Variants in AXDND1 observed in about 807,000 individuals in gnomAD.
The protein encoded by AXDND1 is axonemal dynein light chain domain-containing protein 1.
Under a neutral mutation model 137.5 loss-of-function variants are expected in AXDND1, and 110 were observed. The ratio of observed to expected loss-of-function variants is 0.80; its 90% CI spans 0.69 to 0.94. The LOEUF is 0.94. Ranked by LOEUF, AXDND1 falls within the 40% of genes least tolerant of loss-of-function variation. The pLI, the probability that AXDND1 is intolerant of heterozygous loss-of-function variation, is 0.00. For missense variants in AXDND1, 1,191 were observed against 1,169.8 expected, an observed-to-expected ratio of 1.02 and a Z score of -0.26; for synonymous variants, 414 against 399.7, an observed-to-expected ratio of 1.04 and a Z score of -0.43.
At chr1:179,534,450 C>T in intron 24 of AXDND1, 1 of 275,116 alleles carries the variant, frequency 3.6e-6, no homozygotes, top group South Asian at 1.2e-4. Flanking sequence ...AAAGGGAGTT[C>T]CCTGGCCATT....
At chr1:179,540,246 G>A (rs935958338) in intron 25 of AXDND1, among the ~76,000 whole-genome samples, 4 of 152,132 alleles carry the variant, frequency 2.6e-5, no homozygotes, top group Admixed American at 6.5e-5. Context: ...CTGGTGAGGA[G>A]TTGTGATCCT....
At chr1:179,537,110 G>A (rs1240815514) in intron 25 of AXDND1, among the ~76,000 whole-genome samples, 4 of 152,166 alleles carry the variant, frequency 2.6e-5, no homozygotes, top group African/African-American at 7.2e-5. Flanking sequence ...GGAGATTTTG[G>A]GCTGAGATGA....
At chr1:179,498,393 G>A (rs1456721160) in intron 20 of AXDND1, among the ~76,000 whole-genome samples, 2 of 152,056 alleles carry the variant, frequency 1.3e-5, no homozygotes, top group Non-Finnish European at 2.9e-5. Flanking sequence ...ACAAAAACTA[G>A]CAAGGGGGAA....
intron 21 of AXDND1, among the ~76,000 whole-genome samples, chr1:179,518,413 G>A (rs532025178): frequency 7.0e-6 from 1 of 141,988 alleles, no homozygotes; most frequent in South Asian, 2.2e-4. Flanking sequence ...TTTTAAGTTC[G>A]GGGTACATGT....
chr1:179,437,900 C>T (rs1658399914), intron 15 of AXDND1, among the ~76,000 whole-genome samples: 1 of 152,020 alleles, frequency 6.6e-6, no homozygotes, highest in Non-Finnish European at 1.5e-5. Context: ...GCCTGTAATC[C>T]CAGCACTTTG....
chr1:179,503,104 A>AAT (rs1168078374), intron 20 of AXDND1, among the ~76,000 whole-genome samples: 1 of 151,862 alleles, frequency 6.6e-6, no homozygotes, highest in African/African-American at 2.4e-5. Flanking sequence ...TAAAAAAAAA[A>AAT]AAAAAGGATA....
intron 25 of AXDND1, among the ~76,000 whole-genome samples, chr1:179,541,975 A>T (rs1016896939): frequency 3.3e-5 from 5 of 152,176 alleles, no homozygotes; most frequent in Admixed American, 2.6e-4. Context: ...ACAGGATATG[A>T]CATCATTTTT....
chr1:179,465,945 T>A (rs965422022), intron 16 of AXDND1, among the ~76,000 whole-genome samples: 13 of 152,188 alleles, frequency 8.5e-5, no homozygotes, highest in Non-Finnish European at 1.9e-4. Flanking sequence ...AATCTCCTGG[T>A]GTGCCGTTTG....
chr1:179,432,185 G>A (rs993487269), intron 14 of AXDND1, 82 bp from the exon 15 acceptor site: 2 of 1,431,218 alleles, frequency 1.4e-6, no homozygotes, highest in Non-Finnish European at 1.8e-6. Flanking sequence ...TATGTTAGTT[G>A]TTTAGTCTTT....
intron 20 of AXDND1, among the ~76,000 whole-genome samples, chr1:179,501,089 A>G (rs1008572914): frequency 1.3e-5 from 2 of 152,200 alleles, no homozygotes; most frequent in African/African-American, 4.8e-5. Context: ...GAACATTTCT[A>G]TTATTATGGA....
chr1:179,432,369 C>G, intron 15 of AXDND1, 27 bp downstream of exon 15: 1 of 1,529,214 alleles, frequency 6.5e-7, no homozygotes, highest in Non-Finnish European at 8.8e-7. Flanking sequence ...AAGAGCTTGG[C>G]AATCAAAGTG....
rs143349102 is a variant in AXDND1 at position 179,366,620 on chromosome 1, A to G, written c.97+14A>G. The G allele has an allele frequency of 1.6e-3, 2,545 of 1,583,782 alleles. 31 individuals are homozygous for G. The African/African-American group carries it at 0.031, about 19-fold the overall frequency. ...AAGGGACAAGAGGTAAACTTCGTTGATTCTGAAGTCATAAACAGTCATGGC... is the reference window on the plus strand; with the variant it reads ...AAGGGACAAGAGGTAAACTTCGTTGGTTCTGAAGTCATAAACAGTCATGGC... On this transcript the variant is annotated intron_variant, in intron 2 of 25. Coordinates refer to ENST00000367618, the MANE Select transcript of AXDND1 (RefSeq NM_144696.6).
At chr1:179,435,972 G>T (rs1424049547) in intron 15 of AXDND1, among the ~76,000 whole-genome samples, 2 of 151,238 alleles carry the variant, frequency 1.3e-5, no homozygotes, top group Non-Finnish European at 2.9e-5. Flanking sequence ...AATCTATAAG[G>T]AACTTAAACA....
intron 19 of AXDND1, among the ~76,000 whole-genome samples, chr1:179,492,298 C>G (rs911265315): frequency 2.0e-5 from 3 of 152,084 alleles, no homozygotes; most frequent in Non-Finnish European, 2.9e-5. Context: ...TGGTCTCGAA[C>G]TCCTGATCTC....
Position 179,445,204 on chromosome 1 carries a change from G to A in AXDND1, c.1798G>A (p.Gly600Ser). The change falls in exon 16 of 26, where the codon GGT (glycine) becomes AGT (serine). Residue 600 changes from glycine to serine, a missense_variant and splice_region_variant. Physicochemically the swap from Gly to Ser is moderately conservative, Grantham distance 56. Coordinates refer to ENST00000367618, the MANE Select transcript of AXDND1 (RefSeq NM_144696.6). The part of the protein sequence containing the change: ...EYEIRINGDN[G>S]YSKILPSLIS... The stretch of plus-strand genomic sequence containing the variant: ...TGAAATAAGAATAAATGGGGACAAT[G>A]GTAAGAAAATACTCATAATAATTAG... The A allele has an allele frequency of 6.6e-7, 1 of 1,520,504 alleles. No homozygotes were observed. Among genetic ancestry groups the A allele is most frequent in the Non-Finnish European group, 8.9e-7 (1 of 1,117,444 alleles). The allele number at this position is 1,520,504 out of a possible 1,614,324, so 94.2% of individuals were successfully genotyped here.
At chr1:179,368,657 ATAT>A (rs1571499730) in intron 2 of AXDND1, 140 bp from the exon 3 acceptor site, 1 of 671,668 alleles carries the variant, frequency 1.5e-6, no homozygotes, top group East Asian at 2.7e-5. Context: ...ACTGTTTTCA[ATAT>A]TATTTGTTAC....
chr1:179,493,192 A>G (rs1572069927), intron 20 of AXDND1, among the ~76,000 whole-genome samples: 1 of 91,210 alleles, frequency 1.1e-5, no homozygotes, highest in African/African-American at 3.7e-5. Context: ...CTTGTCACCA[A>G]TGTCTGATCT....
At chr1:179,457,634 C>T (rs1235440441) in intron 16 of AXDND1, among the ~76,000 whole-genome samples, 1 of 152,080 alleles carries the variant, frequency 6.6e-6, no homozygotes, top group Non-Finnish European at 1.5e-5. Flanking sequence ...TTCATATTTT[C>T]AGTTCGTCTA....
chr1:179,494,922 T>C (rs1182584475), intron 20 of AXDND1, among the ~76,000 whole-genome samples: 1 of 152,224 alleles, frequency 6.6e-6, no homozygotes, highest in Non-Finnish European at 1.5e-5. Flanking sequence ...TTTTGTGGCA[T>C]TTGGATATCC....
Sources: gnomAD v4.1 joint callset for allele counts (sites outside exome capture counted in the v4.1 genomes callset) on GRCh38, gnomAD v4.1.1 for gene constraint, MANE v1.5 for transcripts, NCBI Gene and HGNC (gene_info 2026-07-23, HGNC 2026-07-21) for gene names.